The following KLHL18 variants were observed in gnomAD, a reference collection of about 807,000 sequenced individuals.
KLHL18 encodes kelch-like protein 18.
In KLHL18, 38 loss-of-function variants were observed where a neutral mutation model predicts 58.5. The observed-to-expected ratio is 0.65, with a 90% CI of 0.50 to 0.85. KLHL18 has a LOEUF of 0.85. Among genes scored for constraint, KLHL18 ranks in the 40% least tolerant of loss-of-function variants. KLHL18 has a pLI of 0.00. For missense variants in KLHL18, 624 were observed against 778.4 expected (o/e 0.80, Z 2.36); for synonymous variants, 303 against 301.9 (o/e 1.00, Z -0.04).
chr3:47,289,061 C>T (rs1326870243), intron 1 of KLHL18, among the ~76,000 whole-genome samples: 2 of 152,190 alleles, frequency 1.3e-5, no homozygotes, highest in Non-Finnish European at 2.9e-5. Context: ...TTCCCCTATG[C>T]TTCTGTAAGG....
chr3:47,329,732 G>C (rs62248950), intron 3 of KLHL18, among the ~76,000 whole-genome samples: 27 of 152,044 alleles, frequency 1.8e-4, no homozygotes, highest in Non-Finnish European at 3.1e-4. Flanking sequence ...TCCACCTGAC[G>C]CACAGAGCAC....
At position 47,282,988 on chromosome 3, in the gene KLHL18, A is replaced by T; in HGVS notation, c.23A>T (p.Glu8Val). Residue 8 changes from glutamate to valine, a missense_variant, in exon 1 of 10, where the codon GAG becomes GTG. By Grantham distance (121) the Glu-to-Val change is moderately radical. Coordinates refer to ENST00000232766, the MANE Select transcript of KLHL18 (RefSeq NM_025010.5). Reference sequence around the variant, plus strand: ...AAGATGGTGGAGGACGGCGCGGAGGAGCTGGAGGATCTGGTGCACTTCTCC... The same window carrying T: ...AAGATGGTGGAGGACGGCGCGGAGGTGCTGGAGGATCTGGTGCACTTCTCC... MVEDGAEELEDLVHFSVS... is the reference protein window; with the variant it reads MVEDGAEVLEDLVHFSVS... 4 of 1,611,002 alleles carry T rather than the reference A, an allele frequency of 2.5e-6. No individual in the cohort carries two copies. Among genetic ancestry groups the T allele is most frequent in the African/African-American group, 1.3e-5 (1 of 74,920 alleles).
chr3:47,306,617 C>T (rs1335926633), intron 1 of KLHL18, among the ~76,000 whole-genome samples: 4 of 152,004 alleles, frequency 2.6e-5, no homozygotes, highest in Non-Finnish European at 4.4e-5. Flanking sequence ...TTTTCTGGAG[C>T]GTATGCATCT....
intron 1 of KLHL18, among the ~76,000 whole-genome samples, chr3:47,317,255 G>A (rs1703476657): frequency 6.6e-6 from 1 of 152,108 alleles, no homozygotes; most frequent in Admixed American, 6.6e-5. Flanking sequence ...TGGAATTACA[G>A]GTGTCTGCCA....
intron 1 of KLHL18, among the ~76,000 whole-genome samples, chr3:47,288,346 A>C (rs995839066): frequency 6.6e-6 from 1 of 152,164 alleles, no homozygotes; most frequent in Admixed American, 6.5e-5. Flanking sequence ...GGTTGAGTTA[A>C]GCAGCACTGG....
intron 2 of KLHL18, among the ~76,000 whole-genome samples, chr3:47,320,011 A>G (rs1703547931): frequency 6.6e-6 from 1 of 151,786 alleles, no homozygotes. Context: ...AGAGAAATAC[A>G]TTTAATAGGA....
chr3:47,307,342 G>A (rs567334176), intron 1 of KLHL18, among the ~76,000 whole-genome samples: 186 of 152,226 alleles, frequency 1.2e-3, no homozygotes, highest in African/African-American at 4.2e-3. Flanking sequence ...CAAAGTGCTC[G>A]GATTACAGGC....
At position 47,336,729 on chromosome 3, in the gene KLHL18, A is replaced by G. The variant is rs111660522; in HGVS notation, c.1093A>G (p.Arg365Gly). ...CAACCCGGAGACAGACACATGGACCAGAGTGGGGAGCATGAATAGCAAGAG... is the reference window on the plus strand; with the variant it reads ...CAACCCGGAGACAGACACATGGACCGGAGTGGGGAGCATGAATAGCAAGAG... ...AYNPETDTWTRVGSMNSKRSA... is the reference protein window; with the variant it reads ...AYNPETDTWTGVGSMNSKRSA... Residue 365 changes from arginine (R) to glycine (G), a missense_variant, in exon 7 of 10, where the codon AGA becomes GGA. Coordinates refer to ENST00000232766, the MANE Select transcript of KLHL18 (RefSeq NM_025010.5). 232 of 1,614,198 alleles carry G rather than the reference A, an allele frequency of 1.4e-4. No individual in the cohort carries two copies. The African/African-American group carries it at 2.7e-3, about 19-fold the overall frequency.
chr3:47,325,560 T>G (rs1281644878), intron 3 of KLHL18, among the ~76,000 whole-genome samples: 1 of 152,128 alleles, frequency 6.6e-6, no homozygotes, highest in East Asian at 1.9e-4. Context: ...TGAGCACCAG[T>G]GGAAAAGATA....
rs1704179427 is a variant in KLHL18 at position 47,344,289 on chromosome 3, C to T, written c.*348C>T. The T allele has an allele frequency of 3.1e-6, 1 of 326,550 alleles. No homozygotes were observed. Among genetic ancestry groups the T allele is most frequent in the Non-Finnish European group, 5.7e-6 (1 of 175,872 alleles). 20.2% of individuals were successfully genotyped at this position (326,550 alleles called of 1,614,324 possible). On this transcript the variant is annotated 3_prime_UTR_variant, in exon 10 of 10. Coordinates refer to ENST00000232766, the MANE Select transcript of KLHL18 (RefSeq NM_025010.5). ...TTCACAGAAGGCCTTCCATCTGATG[C>T]TCCCCATCGCCTGCTTGCTCTCCAG...
chr3:47,315,360 G>T (rs1703396387), intron 1 of KLHL18, among the ~76,000 whole-genome samples: 1 of 152,190 alleles, frequency 6.6e-6, no homozygotes, highest in Non-Finnish European at 1.5e-5. Context: ...AGGAAGTTTA[G>T]TCTTAGATAC....
chr3:47,332,563 C>A (rs1329861844), intron 4 of KLHL18, among the ~76,000 whole-genome samples: 3 of 143,826 alleles, frequency 2.1e-5, no homozygotes, highest in Non-Finnish European at 3.0e-5. Flanking sequence ...AACTAGGTGT[C>A]CTGTCCCTAG....
At chr3:47,336,491 A>G in intron 6 of KLHL18, 44 bp from the exon 7 acceptor site, 1 of 1,538,174 alleles carries the variant, frequency 6.5e-7, no homozygotes, top group Non-Finnish European at 9.0e-7. Flanking sequence ...GCTCTAAACA[A>G]GTGGTCTCAT....
intron 1 of KLHL18, among the ~76,000 whole-genome samples, chr3:47,294,826 C>T (rs1410348383): frequency 6.6e-6 from 1 of 152,184 alleles, no homozygotes; most frequent in Non-Finnish European, 1.5e-5. Context: ...ATGAAGACAG[C>T]ACTGCGTTTT....
At chr3:47,300,997 T>C (rs1703013753) in intron 1 of KLHL18, among the ~76,000 whole-genome samples, 1 of 152,154 alleles carries the variant, frequency 6.6e-6, no homozygotes, top group African/African-American at 2.4e-5. Context: ...CATCTTCTTA[T>C]GTGTTTATTT....
At chr3:47,324,929 AT>A (rs1415059310) in intron 3 of KLHL18, among the ~76,000 whole-genome samples, 23 of 152,148 alleles carry the variant, frequency 1.5e-4, no homozygotes, top group Non-Finnish European at 2.9e-4. Flanking sequence ...CATAAACCTG[AT>A]GTTTTGAGCC....
At chr3:47,329,854 G>A (rs1437056743) in intron 3 of KLHL18, 97 bp from the exon 4 acceptor site, 2 of 975,068 alleles carry the variant, frequency 2.1e-6, no homozygotes, top group Non-Finnish European at 3.2e-6. Flanking sequence ...TTAAGAATTT[G>A]TTTTCATTCT....
At chr3:47,316,048 A>AT (rs1282272703) in intron 1 of KLHL18, among the ~76,000 whole-genome samples, 1 of 152,190 alleles carries the variant, frequency 6.6e-6, no homozygotes, top group Non-Finnish European at 1.5e-5. Flanking sequence ...AAATTAGAGG[A>AT]TTATTCCAAG....
intron 3 of KLHL18, among the ~76,000 whole-genome samples, chr3:47,328,450 G>T (rs974480543): frequency 6.6e-6 from 1 of 152,108 alleles, no homozygotes; most frequent in African/African-American, 2.4e-5. Flanking sequence ...AGCCCTAAGA[G>T]GTGGGTAGCT....
Sources: gnomAD v4.1 joint callset for allele counts (sites outside exome capture counted in the v4.1 genomes callset) on GRCh38, gnomAD v4.1.1 for gene constraint, MANE v1.5 for transcripts, NCBI Gene and HGNC (gene_info 2026-07-23, HGNC 2026-07-21) for gene names.